The following ICAM5 variants were observed in gnomAD, a reference collection of about 807,000 sequenced individuals.
ICAM5 encodes the protein ICAM-5.
ICAM5 carries 38 observed loss-of-function variants against 78.8 expected under a neutral mutation model. The observed-to-expected ratio is 0.48, with a 90% CI of 0.37 to 0.63. ICAM5 has a LOEUF of 0.63. ICAM5 is among the 30% of genes least tolerant of loss of function. The pLI is 0.00. For missense variants in ICAM5, 1,059 were observed against 1,303.0 expected (o/e 0.81, Z 2.88); for synonymous variants, 544 against 590.9 (o/e 0.92, Z 1.15).
At position 10,291,200 on chromosome 19, in the gene ICAM5, C is replaced by G; in HGVS notation, c.211C>G (p.Leu71Val). 6.2e-7 allele frequency: 1 copy of G among 1,612,378 alleles called. No individual in the cohort carries two copies. Among genetic ancestry groups the G allele is most frequent in the African/African-American group, 1.3e-5 (1 of 75,054 alleles). Residue 71 changes from leucine to valine, a missense_variant, in exon 2 of 11, where the codon CTG (leucine) becomes GTG (valine). Coordinates refer to ENST00000221980, the MANE Select transcript of ICAM5 (RefSeq NM_003259.4). Reference protein sequence around the residue: ...RPERGGLETSLRRNGTQRGLR... With the variant: ...RPERGGLETSVRRNGTQRGLR... ...GGAGCGCGGTGGCCTGGAGACCTCG[C>G]TGCGCCGAAACGGGACCCAGAGGGG...
chr19:10,291,934 C>G (rs78432167), intron 3 of ICAM5, 101 bp from the exon 4 acceptor site: 1 of 1,490,662 alleles, frequency 6.7e-7, no homozygotes, highest in South Asian at 1.2e-5. Context: ...GTTTCCCCCT[C>G]CGTGCCTTGA....
intron 10 of ICAM5, among the ~76,000 whole-genome samples, chr19:10,296,133 A>G (rs1300981837): frequency 6.6e-6 from 1 of 152,116 alleles, no homozygotes; most frequent in African/African-American, 2.4e-5. Flanking sequence ...TTATATCCCC[A>G]TGGGCTGAAG....
At position 10,292,139 on chromosome 19, in the gene ICAM5, G is replaced by A; in HGVS notation, c.778G>A (p.Ala260Thr). The A allele has an allele frequency of 1.2e-6, 2 of 1,613,428 alleles. No homozygotes were observed. The highest frequency in any genetic ancestry group is 1.7e-6 in the Non-Finnish European group (2 of 1,180,020). The change falls in exon 4 of 11, where the codon GCC becomes ACC. Residue 260 changes from alanine to threonine, a missense_variant. By Grantham distance (58) the Ala-to-Thr change is moderately conservative. This residue lies in a region of ICAM5 where 815 missense variants were observed against 952.8 expected (regional missense o/e 0.86). Transcript: ENST00000221980. ...TLDGLFPASE[A>T]RVYLALGDQN... ...GGACGGACTGTTTCCAGCCTCAGAG[G>A]CCAGGGTCTACCTCGCACTGGGGGA...
Position 10,296,502 on chromosome 19 carries a change from G to C in ICAM5, c.2661G>C (p.Ala887=), listed in dbSNP as rs1335495301. 2 of 1,231,562 alleles carry C rather than the reference G, an allele frequency of 1.6e-6. No homozygotes were observed. The highest frequency in any genetic ancestry group is 2.1e-6 in the Non-Finnish European group (2 of 970,910). 76.3% of individuals were successfully genotyped at this position (1,231,562 alleles called of 1,614,324 possible). A position where few individuals can be genotyped will look rare whatever the true frequency, so the allele number is the denominator to read the frequency against. The change falls in exon 11 of 11, where the codon GCG becomes GCC. Residue 887 remains alanine, a synonymous_variant. Coordinates refer to ENST00000221980, the MANE Select transcript of ICAM5 (RefSeq NM_003259.4). ...SSGEAVCLNG[A]GGGAGGAAGA... ...GCGAGGCCGTGTGTCTGAACGGAGC[G>C]GGCGGCGGCGCTGGCGGGGCGGCAG... is the stretch of plus-strand genomic sequence containing the variant.
chr19:10,292,505 A>G (rs2040182584), intron 4 of ICAM5, 107 bp from the exon 5 acceptor site: 2 of 1,443,674 alleles, frequency 1.4e-6, no homozygotes, highest in Non-Finnish European at 1.9e-6. Context: ...GGGGCGCCGT[A>G]CCCTAGTTCG....
Position 10,294,359 on chromosome 19 carries a change from C to T in ICAM5, c.1990+41C>T, listed in dbSNP as rs2040203318. ...GCGGGTAGGGAGCAGGGGTGCCCCA[C>T]GGTCCAGGCACTCCCTGACATCCCC... On this transcript the variant is annotated intron_variant, in intron 8 of 10. Transcript: ENST00000221980. This position sits in a 1 kb window ranked among gnomAD's most constrained non-coding sequence, Gnocchi z 7.7. The T allele has an allele frequency of 1.9e-6, 3 of 1,611,962 alleles. No individual in the cohort carries two copies. In the African/African-American group the frequency reaches 4.0e-5, roughly 22 times the overall value.
intron 4 of ICAM5, 52 bp downstream of exon 4, chr19:10,292,374 C>T (rs1455750548): frequency 5.3e-6 from 8 of 1,521,132 alleles, no homozygotes; most frequent in Non-Finnish European, 7.1e-6. Context: ...CAGAGGAATG[C>T]GAAGGCGGGG....
rs746882678 is a variant in ICAM5 at position 10,294,245 on chromosome 19, A to G, written c.1917A>G (p.Ala639=). The stretch of plus-strand genomic sequence containing the variant: ...CTCCCAGAATCCCTAGAGTCCTGGC[A>G]CCCGGTATCTACGTCTGCAACGCCA... The part of the protein sequence containing the change: ...PRAPRIPRVL[A]PGIYVCNATN... The change falls in exon 8 of 11, where the codon GCA becomes GCG. Residue 639 remains alanine (A), a synonymous_variant. Coordinates refer to ENST00000221980, the MANE Select transcript of ICAM5 (RefSeq NM_003259.4). This position sits in a 1 kb window ranked among gnomAD's most constrained non-coding sequence, Gnocchi z 7.7. 1.2e-6 allele frequency: 2 copies of G among 1,613,738 alleles called. No homozygotes were observed. The highest frequency in any genetic ancestry group is 2.2e-5 in the East Asian group (1 of 44,856).
chr19:10,295,496 GCAA>G lies in ICAM5; in HGVS notation c.2387_2389del (p.Asn796del), dbSNP rs1197925600. 1 of 1,568,592 alleles carries G rather than the reference GCAA, an allele frequency of 6.4e-7. No individual in the cohort carries two copies. Among genetic ancestry groups the G allele is most frequent in the Non-Finnish European group, 8.6e-7 (1 of 1,158,898 alleles). ...GGGGCCCTCAACATCGGCCTGTCGA[GCAA>G]CAACAGCACACTGAGCGTGGCAGGC... On this transcript the variant is annotated inframe_deletion, in exon 10 of 11. Transcript: ENST00000221980.
intron 9 of ICAM5, among the ~76,000 whole-genome samples, chr19:10,295,114 G>T (rs1599281940): frequency 6.6e-6 from 1 of 152,222 alleles, no homozygotes; most frequent in Admixed American, 6.5e-5. Flanking sequence ...TCAAATCCTG[G>T]ATTAGAACAC....
At position 10,291,502 on chromosome 19, in the gene ICAM5, C is replaced by A. The variant is rs372674108; in HGVS notation, c.366C>A (p.Arg122=). 33 of 1,612,546 alleles carry A rather than the reference C, an allele frequency of 2.0e-5. No homozygotes were observed. The highest frequency in any genetic ancestry group is 2.6e-5 in the Non-Finnish European group (31 of 1,179,932). ...GLIRTFQRPD[R]VELMPLPPWQ... Reference sequence around the variant, plus strand: ...TCCCCCTTGCAGAGCGACCAGATCGCGTAGAGCTGATGCCGCTGCCTCCCT... The same window carrying A: ...TCCCCCTTGCAGAGCGACCAGATCGAGTAGAGCTGATGCCGCTGCCTCCCT... The change falls in exon 3 of 11, where the codon CGC becomes CGA. Residue 122 remains arginine, a synonymous_variant. Coordinates refer to ENST00000221980, the MANE Select transcript of ICAM5 (RefSeq NM_003259.4).
Position 10,292,022 on chromosome 19 carries a change from C to T in ICAM5, c.674-13C>T, listed in dbSNP as rs1164813561. The T allele has an allele frequency of 6.2e-7, 1 of 1,608,366 alleles. No homozygotes were observed. The highest frequency in any genetic ancestry group is 8.5e-7 in the Non-Finnish European group (1 of 1,176,280). On this transcript the variant is annotated splice_polypyrimidine_tract_variant and intron_variant, in intron 3 of 10. Coordinates refer to ENST00000221980, the MANE Select transcript of ICAM5 (RefSeq NM_003259.4). The stretch of plus-strand genomic sequence containing the variant: ...GCTCGGAGTTAGTTCAAACTTGGTT[C>T]TTCGACCCCTAGCCCTGTCTCCGGA...
Position 10,289,979 on chromosome 19 carries a change from C to A in ICAM5, c.-65C>A. The stretch of plus-strand genomic sequence containing the variant: ...ACCCCACCCGCCGCGCCGCGCGGAG[C>A]CGTCCTCTAGCCCAGCTCCTCGGCT... On this transcript the variant is annotated 5_prime_UTR_variant, in exon 1 of 11. Coordinates refer to ENST00000221980, the MANE Select transcript of ICAM5 (RefSeq NM_003259.4). 3 of 1,369,814 alleles carry A rather than the reference C, an allele frequency of 2.2e-6. No homozygotes were observed. Among genetic ancestry groups the A allele is most frequent in the African/African-American group, 1.5e-5 (1 of 67,718 alleles). 84.9% of individuals were successfully genotyped at this position (1,369,814 alleles called of 1,614,324 possible).
Position 10,291,308 on chromosome 19 carries a change from ACACTAC to A in ICAM5, c.320_325del (p.Thr107_Gln109delinsLys). On this transcript the variant is annotated inframe_deletion, in exon 2 of 11. Transcript: ENST00000221980. ...CTGCTTCTTCCGCTGCGCGCGGCGC[ACACTAC>A]AGGCGCGTGGGCTCATTCGCACTTT... 1 of 1,612,344 alleles carries A rather than the reference ACACTAC, an allele frequency of 6.2e-7. No individual in the cohort carries two copies. The highest frequency in any genetic ancestry group is 8.5e-7 in the Non-Finnish European group (1 of 1,179,756).
intron 10 of ICAM5, 102 bp from the exon 11 acceptor site, chr19:10,296,237 C>A: frequency 8.8e-7 from 1 of 1,130,000 alleles, no homozygotes; most frequent in Non-Finnish European, 1.1e-6. Flanking sequence ...CAGTGAGCTC[C>A]CCGGGGCATG....
At position 10,293,123 on chromosome 19, in the gene ICAM5, G is replaced by A; in HGVS notation, c.1342G>A (p.Gly448Ser). 6.2e-7 allele frequency: 1 copy of A among 1,609,472 alleles called. No individual in the cohort carries two copies. Among genetic ancestry groups the A allele is most frequent in the East Asian group, 2.2e-5 (1 of 44,800 alleles). The change falls in exon 6 of 11, where the codon GGC becomes AGC. Residue 448 changes from glycine to serine, a missense_variant. Gly to Ser is a moderately conservative substitution (Grantham distance 56). This residue lies in a region of ICAM5 where 815 missense variants were observed against 952.8 expected (regional missense o/e 0.86). Coordinates refer to ENST00000221980, the MANE Select transcript of ICAM5 (RefSeq NM_003259.4). This position sits in a 1 kb window ranked among gnomAD's most constrained non-coding sequence, Gnocchi z 5.0. ...EPSVHCARSDGGAVLALGLLG... is the reference protein window; with the variant it reads ...EPSVHCARSDSGAVLALGLLG... The stretch of plus-strand genomic sequence containing the variant: ...CTCAGTGCACTGTGCGCGCTCCGAC[G>A]GCGGGGCCGTGCTGGCTCTGGGCCT...
At chr19:10,295,216 T>C (rs2040210185) in intron 9 of ICAM5, 130 bp from the exon 10 acceptor site, 1 of 1,038,868 alleles carries the variant, frequency 9.6e-7, no homozygotes, top group Non-Finnish European at 1.3e-6. Context: ...GAGGCTCTGA[T>C]AGGAGGCAGG....
chr19:10,295,578 G>T lies in ICAM5; in HGVS notation c.2463G>T (p.Gly821=). ...AGTGCGCAGCCACCAACGCGCACGG[G>T]CGCCACGCGCGGCGCATCACGGTGC... ...EYECAATNAH[G]RHARRITVRV... The change falls in exon 10 of 11, where the codon GGG becomes GGT. Residue 821 remains glycine, a synonymous_variant. Transcript: ENST00000221980. 1 of 1,544,384 alleles carries T rather than the reference G, an allele frequency of 6.5e-7. No homozygotes were observed.
intron 10 of ICAM5, 115 bp from the exon 11 acceptor site, chr19:10,296,224 A>G (rs887083920): frequency 1.6e-5 from 17 of 1,058,238 alleles, no homozygotes; most frequent in Non-Finnish European, 1.4e-5. Flanking sequence ...TCCCAAGGCC[A>G]GACAGTGAGC....
Sources: gnomAD v4.1 joint callset for allele counts (sites outside exome capture counted in the v4.1 genomes callset) on GRCh38, gnomAD v4.1.1 for gene constraint, gnomAD v4.1.1 regional missense constraint, Gnocchi (gnomAD v3.1) non-coding constraint, MANE v1.5 for transcripts, NCBI Gene and HGNC (gene_info 2026-07-23, HGNC 2026-07-21) for gene names.